PTPN2: variants seen among roughly 807,000 people sequenced by gnomAD.
PTPN2 encodes tyrosine-protein phosphatase non-receptor type 2.
A neutral mutation model predicts 57.3 loss-of-function variants in PTPN2; 19 were observed. That is an observed-to-expected ratio of 0.33 (90% CI 0.23 to 0.49). PTPN2 has a LOEUF of 0.49. Ranked by LOEUF, PTPN2 falls within the 20% of genes least tolerant of loss-of-function variation. The pLI, the probability that PTPN2 is intolerant of heterozygous loss-of-function variation, is 0.99. For missense variants in PTPN2, 358 were observed against 501.1 expected (o/e 0.71, Z 2.73); for synonymous variants, 153 against 164.9 (o/e 0.93, Z 0.55).
At chr18:12,873,144 C>T (rs1297621090) in intron 1 of PTPN2, among the ~76,000 whole-genome samples, 1 of 151,686 alleles carries the variant, frequency 6.6e-6, no homozygotes, top group Non-Finnish European at 1.5e-5. Context: ...TCACTTGAAC[C>T]AGGGAGGTGG....
chr18:12,824,980 G>A (rs1280301793), intron 5 of PTPN2, among the ~76,000 whole-genome samples: 1 of 152,116 alleles, frequency 6.6e-6, no homozygotes, highest in Admixed American at 6.5e-5. Flanking sequence ...CAGATACTCA[G>A]GAGGCTGAAG....
At chr18:12,868,252 GTTTTTT>G (rs1350446754) in intron 1 of PTPN2, among the ~76,000 whole-genome samples, 1 of 149,892 alleles carries the variant, frequency 6.7e-6, no homozygotes, top group Non-Finnish European at 1.5e-5. Context: ...TTTGTTTTTT[GTTTTTT>G]TTTGAGATTG....
intron 1 of PTPN2, among the ~76,000 whole-genome samples, chr18:12,874,556 C>A (rs2044413785): frequency 8.4e-6 from 1 of 119,354 alleles, no homozygotes; most frequent in Admixed American, 8.6e-5. Context: ...GCTCCCCGCC[C>A]GGCCAGCCGC....
At chr18:12,819,244 T>A in intron 5 of PTPN2, 1 of 1,457,500 alleles carries the variant, frequency 6.9e-7, no homozygotes, top group Non-Finnish European at 9.1e-7. Flanking sequence ...CCAGCATTAA[T>A]AATTTCAAAT....
At chr18:12,860,060 G>A (rs1480970727) in intron 1 of PTPN2, among the ~76,000 whole-genome samples, 4 of 151,994 alleles carry the variant, frequency 2.6e-5, no homozygotes, top group Admixed American at 6.6e-5. Flanking sequence ...AGGCCGAGGC[G>A]GGGAATCACC....
intron 2 of PTPN2, among the ~76,000 whole-genome samples, chr18:12,850,543 A>C (rs904293669): frequency 6.6e-6 from 1 of 152,074 alleles, no homozygotes; most frequent in African/African-American, 2.4e-5. Context: ...TTTTCATTGC[A>C]GTACTGTTTT....
chr18:12,791,271 A>C (rs1309633046), downstream of PTPN2, among the ~76,000 whole-genome samples: 1 of 152,236 alleles, frequency 6.6e-6, no homozygotes, highest in Non-Finnish European at 1.5e-5. Context: ...TATGAGTGGA[A>C]ATGAACTAGA....
At chr18:12,812,698 TA>T (rs1353864215) in intron 7 of PTPN2, among the ~76,000 whole-genome samples, 2 of 152,264 alleles carry the variant, frequency 1.3e-5, no homozygotes, top group South Asian at 4.1e-4. Flanking sequence ...ATGCACCAAT[TA>T]AAAAAGATTC....
At chr18:12,878,610 T>C (rs2044571367) in intron 1 of PTPN2, among the ~76,000 whole-genome samples, 1 of 152,052 alleles carries the variant, frequency 6.6e-6, no homozygotes, top group South Asian at 2.1e-4. Context: ...GAGCAGAGGT[T>C]GCAGTGAGCT....
chr18:12,863,789 G>A (rs1598873200), intron 1 of PTPN2: 1 of 152,040 alleles, frequency 6.6e-6, no homozygotes, highest in Admixed American at 6.6e-5. Context: ...TAAATGGCAA[G>A]GATCTTTGCT....
chr18:12,813,120 A>G (rs2041953237), intron 7 of PTPN2, among the ~76,000 whole-genome samples: 1 of 152,168 alleles, frequency 6.6e-6, no homozygotes, highest in East Asian at 1.9e-4. Flanking sequence ...CAGGCAGGGA[A>G]GGCGGCATGC....
At position 12,874,933 on chromosome 18, in the gene PTPN2, T is replaced by C. The variant is rs1170378638; in HGVS notation, c.69+9140A>G. Among the ~76,000 whole-genome samples the C allele has an allele frequency of 4.6e-5, 7 of 152,138 alleles. No individual in the cohort carries two copies. The East Asian group carries it at 1.2e-3, about 25-fold the overall frequency. On this transcript the variant is annotated intron_variant, in intron 1 of 8. Coordinates refer to ENST00000309660, the MANE Select transcript of PTPN2 (RefSeq NM_002828.4). The stretch of plus-strand genomic sequence containing the variant: ...GTGTCTGTGTGGAAAGAAGTAGACA[T>C]GGGAGACTTTTCATTTTGTTCTGTA...
At chr18:12,842,925 C>A (rs1490890489) in intron 2 of PTPN2, among the ~76,000 whole-genome samples, 1 of 152,202 alleles carries the variant, frequency 6.6e-6, no homozygotes, top group Non-Finnish European at 1.5e-5. Context: ...TCACTATCAA[C>A]CCATTCTGAA....
rs557058351 is a variant in PTPN2, at chr18:12,794,115, T to A, written c.*163A>T. The A allele has an allele frequency of 1.7e-5, 24 of 1,444,758 alleles. No individual in the cohort carries two copies. In the Admixed American group the frequency reaches 6.8e-4, roughly 41 times the overall value. The allele number at this position is 1,444,758 out of a possible 1,614,324, so 89.5% of individuals were successfully genotyped here. On this transcript the variant is annotated 3_prime_UTR_variant, in exon 9 of 9. Transcript: ENST00000309660. ...GTTCAGAGGAACCTGCAGTCAAGAG[T>A]CCTGAGATGTTGGGCTTGTGACTGT...
chr18:12,837,016 G>A (rs2042889418), intron 2 of PTPN2, 125 bp from the exon 3 acceptor site: 2 of 637,604 alleles, frequency 3.1e-6, no homozygotes, highest in African/African-American at 1.8e-5. Flanking sequence ...CATCATAATA[G>A]AGTTGAGACA....
At chr18:12,873,233 A>C (rs1259254915) in intron 1 of PTPN2, among the ~76,000 whole-genome samples, 1 of 149,046 alleles carries the variant, frequency 6.7e-6, no homozygotes, top group Non-Finnish European at 1.5e-5. Context: ...GAAAAAAAAA[A>C]AAAAGCCTCT....
intron 1 of PTPN2, among the ~76,000 whole-genome samples, chr18:12,859,668 T>C (rs1050995278): frequency 6.6e-6 from 1 of 152,226 alleles, no homozygotes; most frequent in Non-Finnish European, 1.5e-5. Flanking sequence ...AGCCACATCA[T>C]ATTCAAATTC....
At position 12,814,490 on chromosome 18, in the gene PTPN2, A is replaced by G. The variant is rs75586506; in HGVS notation, c.706-135T>C. On this transcript the variant is annotated intron_variant, in intron 6 of 8. Coordinates refer to ENST00000309660, the MANE Select transcript of PTPN2 (RefSeq NM_002828.4). ...ACAACGATAATTTAACCCTCCAGCTATAACTGTTATGTACACAACAACTAT... is the reference window on the plus strand; with the variant it reads ...ACAACGATAATTTAACCCTCCAGCTGTAACTGTTATGTACACAACAACTAT... The G allele has an allele frequency of 1.2e-3, 836 of 712,400 alleles. 7 individuals carry two copies. In the African/African-American group the frequency reaches 0.013, roughly 11 times the overall value. The allele number at this position is 712,400 out of a possible 1,614,324, so 44.1% of individuals were successfully genotyped here.
At chr18:12,834,557 G>A (rs1463195195) in intron 3 of PTPN2, among the ~76,000 whole-genome samples, 2 of 152,054 alleles carry the variant, frequency 1.3e-5, no homozygotes, top group Non-Finnish European at 2.9e-5. Context: ...TTTAAACAAT[G>A]CCTGCCACAG....
Sources: gnomAD v4.1 joint callset for allele counts (sites outside exome capture counted in the v4.1 genomes callset) on GRCh38, gnomAD v4.1.1 for gene constraint, MANE v1.5 for transcripts, NCBI Gene and HGNC (gene_info 2026-07-23, HGNC 2026-07-21) for gene names.